Variants in SH3GL2 observed in about 807,000 individuals in gnomAD.
SH3GL2 encodes SH3 domain containing GRB2 like 2, endophilin A1.
Under a neutral mutation model 46.0 loss-of-function variants are expected in SH3GL2, and 24 were observed. The observed-to-expected ratio is 0.52, with a 90% CI of 0.38 to 0.73. The LOEUF (loss-of-function observed/expected upper bound fraction) is 0.73. Among genes scored for constraint, SH3GL2 ranks in the 30% least tolerant of loss-of-function variants. SH3GL2 has a pLI of 0.00. For missense variants in SH3GL2, 413 were observed against 424.2 expected (o/e 0.97, Z 0.23); for synonymous variants, 196 against 147.1 (o/e 1.33, Z -2.40).
intron 1 of SH3GL2, among the ~76,000 whole-genome samples, chr9:17,738,562 A>G (rs915351903): frequency 1.7e-4 from 3 of 17,866 alleles, no homozygotes; most frequent in African/African-American, 8.3e-4. Flanking sequence ...GTGTATATAC[A>G]TACATATATA....
rs36079244 is a variant in SH3GL2 at position 17,656,770 on chromosome 9, CAA to C, written c.45+77499_45+77500del. Among the ~76,000 whole-genome samples, 748 of 101,570 alleles carry C rather than the reference CAA, an allele frequency of 7.4e-3. 6 individuals are homozygous for C. The highest frequency in any genetic ancestry group is 0.026 in the African/African-American group (720 of 27,716). The allele number at this position is 101,570 out of a possible 152,430, so 66.6% of individuals were successfully genotyped here. ...TGGGCGACAGAGTGAGACTACATCT[CAA>C]AAAAAAAAAAAAAAACAAAAAAGGC... is the stretch of plus-strand genomic sequence containing the variant. On this transcript the variant is annotated intron_variant, in intron 1 of 8. Transcript: ENST00000380607.
intron 1 of SH3GL2, among the ~76,000 whole-genome samples, chr9:17,674,465 C>G (rs1820556229): frequency 6.6e-6 from 1 of 152,044 alleles, no homozygotes; most frequent in Non-Finnish European, 1.5e-5. Context: ...CAGGGTTTCA[C>G]CATATCGCCC....
rs576834472 is a variant in SH3GL2, at chr9:17,780,479, T to A, written c.188-5902T>A. Among the ~76,000 whole-genome samples, 771 of 128,076 alleles carry A rather than the reference T, an allele frequency of 6.0e-3. 2 individuals are homozygous for A. The highest frequency in any genetic ancestry group is 7.1e-3 in the Non-Finnish European group (393 of 55,446). The allele number at this position is 128,076 out of a possible 152,430, so 84.0% of individuals were successfully genotyped here. A position where few individuals can be genotyped will look rare whatever the true frequency, so the allele number is the denominator to read the frequency against. ...ATTTTGAATAGCACAGTTTTTTTTT[T>A]TAATTTTTTTTTTATTATACTCTAA... On this transcript the variant is annotated intron_variant, in intron 3 of 8. Transcript: ENST00000380607.
chr9:17,795,546 G>A lies in SH3GL2; in HGVS notation c.862G>A (p.Val288Ile), dbSNP rs373921180. 3.1e-6 allele frequency: 5 copies of A among 1,613,304 alleles called. No homozygotes were observed. In the South Asian group the frequency reaches 3.3e-5, roughly 11 times the overall value. The change falls in exon 9 of 9, where the codon GTC becomes ATC. Residue 288 changes from valine to isoleucine, a missense_variant and splice_region_variant. Transcript: ENST00000380607. ...TTCTCTCCTGCTCTTACTCCCAGGT[G>A]TCCAAATGGATCAGCCCTGCTGCCG... ...SHTGTPKPSG[V>I]QMDQPCCRAL...
intron 1 of SH3GL2, among the ~76,000 whole-genome samples, chr9:17,729,422 A>G (rs897861579): frequency 6.6e-6 from 1 of 152,054 alleles, no homozygotes; most frequent in Non-Finnish European, 1.5e-5. Flanking sequence ...TTGCCTGTTC[A>G]TTCTGATAGT....
chr9:17,708,430 A>G (rs1398727873), intron 1 of SH3GL2, among the ~76,000 whole-genome samples: 1 of 152,062 alleles, frequency 6.6e-6, no homozygotes, highest in African/African-American at 2.4e-5. Flanking sequence ...TAGGGACCCC[A>G]GAGTAGAGCA....
At chr9:17,766,942 T>TA (rs530861901) in intron 3 of SH3GL2, among the ~76,000 whole-genome samples, 14 of 152,098 alleles carry the variant, frequency 9.2e-5, no homozygotes, top group Non-Finnish European at 1.8e-4. Flanking sequence ...CTGGATTTTT[T>TA]AAAAAAAATT....
chr9:17,744,894 G>C (rs1200540034), intron 1 of SH3GL2, among the ~76,000 whole-genome samples: 2 of 152,070 alleles, frequency 1.3e-5, no homozygotes, highest in East Asian at 3.9e-4. Context: ...TAAGTGAGAG[G>C]GCTGATATCA....
At chr9:17,701,045 A>G (rs185762761) in intron 1 of SH3GL2, among the ~76,000 whole-genome samples, 42 of 152,232 alleles carry the variant, frequency 2.8e-4, no homozygotes, top group African/African-American at 9.9e-4. Context: ...CAATTGGTAA[A>G]ATGAACTATA....
intron 1 of SH3GL2, among the ~76,000 whole-genome samples, chr9:17,709,440 C>T (rs1821560086): frequency 6.6e-6 from 1 of 151,882 alleles, no homozygotes; most frequent in African/African-American, 2.4e-5. Flanking sequence ...TACCCCTCAG[C>T]AGAGAGAGAT....
chr9:17,595,350 C>T (rs1022583966), intron 1 of SH3GL2, among the ~76,000 whole-genome samples: 4 of 152,210 alleles, frequency 2.6e-5, no homozygotes, highest in Non-Finnish European at 5.9e-5. Flanking sequence ...GGCCAAGATA[C>T]GAATGCAAAA....
intron 1 of SH3GL2, among the ~76,000 whole-genome samples, chr9:17,713,170 G>A (rs926431697): frequency 1.3e-5 from 2 of 151,100 alleles, no homozygotes; most frequent in Admixed American, 1.3e-4. Context: ...TGTGTTGATT[G>A]ATGTTTTGAG....
intron 1 of SH3GL2, among the ~76,000 whole-genome samples, chr9:17,679,995 G>T (rs946060742): frequency 1.3e-5 from 2 of 152,140 alleles, no homozygotes; most frequent in African/African-American, 2.4e-5. Context: ...GATCGTGGTG[G>T]ATAAGCTTTT....
chr9:17,761,905 G>A (rs561050156), intron 3 of SH3GL2, among the ~76,000 whole-genome samples: 4 of 152,230 alleles, frequency 2.6e-5, no homozygotes, highest in Admixed American at 1.3e-4. Context: ...GAGGTGAATC[G>A]TTTTCATGAA....
chr9:17,767,488 A>G (rs1053582387), intron 3 of SH3GL2, among the ~76,000 whole-genome samples: 1 of 152,202 alleles, frequency 6.6e-6, no homozygotes, highest in Non-Finnish European at 1.5e-5. Flanking sequence ...GAATACATGT[A>G]TTACTTGGCA....
chr9:17,789,680 T>G, intron 6 of SH3GL2, 130 bp downstream of exon 6: 1 of 1,438,422 alleles, frequency 7.0e-7, no homozygotes, highest in Admixed American at 2.5e-5. Flanking sequence ...TAGATAGTTA[T>G]TTATTTTAAA....
At chr9:17,733,563 A>T (rs10810842) in intron 1 of SH3GL2, among the ~76,000 whole-genome samples, 7 of 146,750 alleles carry the variant, frequency 4.8e-5, no homozygotes, top group African/African-American at 1.5e-4. Context: ...TCAGTGTGGC[A>T]ATTCCTCAGG....
chr9:17,787,852 C>T (rs1824004859), intron 5 of SH3GL2, among the ~76,000 whole-genome samples: 1 of 152,134 alleles, frequency 6.6e-6, no homozygotes, highest in African/African-American at 2.4e-5. Flanking sequence ...GCTGATTTCA[C>T]CCACTAAAAT....
intron 1 of SH3GL2, among the ~76,000 whole-genome samples, chr9:17,692,179 G>C (rs935899357): frequency 1.3e-5 from 2 of 151,998 alleles, no homozygotes; most frequent in Non-Finnish European, 2.9e-5. Context: ...AAAAAGTAGA[G>C]GGTGCTTGCT....
Sources: allele counts gnomAD v4.1 joint callset (sites outside exome capture counted in the v4.1 genomes callset), GRCh38; gene constraint gnomAD v4.1.1; transcripts MANE v1.5; gene names NCBI Gene and HGNC (gene_info 2026-07-23, HGNC 2026-07-21).